Variants in SYT5 observed in about 807,000 individuals in gnomAD.
The protein encoded by SYT5 is synaptotagmin 5.
A neutral mutation model predicts 36.0 loss-of-function variants in SYT5; 29 were observed. That is an observed-to-expected ratio of 0.81 (90% CI 0.60 to 1.10). The LOEUF (loss-of-function observed/expected upper bound fraction) is 1.10. SYT5 is among the 50% of genes least tolerant of loss of function. The probability of loss-of-function intolerance (pLI) is 0.00; values close to 1 mark genes in which losing one functional copy is unlikely to be tolerated. For synonymous variants in SYT5, 231 were observed against 227.6 expected, an observed-to-expected ratio of 1.02 and a Z score of -0.14; for missense variants, 512 against 516.0, an observed-to-expected ratio of 0.99 and a Z score of 0.08.
At chr19:55,178,923 T>C in intron 2 of SYT5, 40 bp downstream of exon 2, 1 of 1,441,684 alleles carries the variant, frequency 6.9e-7, no homozygotes, top group Non-Finnish European at 9.1e-7. Context: ...CTGGCCAGGC[T>C]TTCTCTCTGC....
In SYT5 at chr19:55,179,462, T is replaced by C. The variant is rs1438875138; in HGVS notation, c.-45-376A>G. ...CAAAGCTGGTTGCCCGGGCAACGGG[T>C]TGTTGCCAGGACAACGGGCGGGGCT... On this transcript the variant is annotated intron_variant, in intron 1 of 8. Coordinates refer to ENST00000354308, the MANE Select transcript of SYT5 (RefSeq NM_003180.3). The surrounding 1 kb of genome is among the most constrained non-coding windows in gnomAD (Gnocchi z 4.5). 2 of 370,068 alleles carry C rather than the reference T, an allele frequency of 5.4e-6. No individual in the cohort carries two copies. Among genetic ancestry groups the C allele is most frequent in the Non-Finnish European group, 9.6e-6 (2 of 208,116 alleles). 22.9% of individuals were successfully genotyped at this position (370,068 alleles called of 1,614,324 possible). A position where few individuals can be genotyped will look rare whatever the true frequency, so the allele number is the denominator to read the frequency against.
Position 55,174,778 on chromosome 19 carries a change from G to C in SYT5, c.826+104C>G, listed in dbSNP as rs1009987198. ...AAATCCATGCCTTCCACAGCAGCCAGGTCCTCCCTGTCCCCGAAGAAACCC... is the reference window on the plus strand; with the variant it reads ...AAATCCATGCCTTCCACAGCAGCCACGTCCTCCCTGTCCCCGAAGAAACCC... On this transcript the variant is annotated intron_variant, in intron 7 of 8. Transcript: ENST00000354308. The C allele has an allele frequency of 9.6e-6, 15 of 1,568,988 alleles. No homozygotes were observed. In the African/African-American group the frequency reaches 1.4e-4, roughly 14 times the overall value.
In SYT5 at chr19:55,175,739, GT is replaced by G; in HGVS notation, c.509del (p.Asn170ThrfsTer45). 6.2e-7 allele frequency: 1 copy of G among 1,614,016 alleles called. No homozygotes were observed. The highest frequency in any genetic ancestry group is 8.5e-7 in the Non-Finnish European group (1 of 1,180,018). On this transcript the variant is annotated frameshift_variant, in exon 5 of 9. Transcript: ENST00000354308. LOFTEE classifies it high-confidence loss of function. The surrounding 1 kb of genome is among the most constrained non-coding windows in gnomAD (Gnocchi z 4.5). The stretch of plus-strand genomic sequence containing the variant: ...AGGCGAAGGTCTCCCCAAAGTGAGG[GT>G]TCAGCGTCTGCCGATGCACCTTGGT... ...YETKVHRQTL[N>X]PHFGETFAFK...
chr19:55,176,290 G>C lies in SYT5; in HGVS notation c.253-166C>G, dbSNP rs1330400557. 3 of 889,956 alleles carry C rather than the reference G, an allele frequency of 3.4e-6. No individual in the cohort carries two copies. In the African/African-American group the frequency reaches 5.0e-5, roughly 15 times the overall value. The allele number at this position is 889,956 out of a possible 1,614,324, so 55.1% of individuals were successfully genotyped here. A position where few individuals can be genotyped will look rare whatever the true frequency, so the allele number is the denominator to read the frequency against. On this transcript the variant is annotated intron_variant, in intron 3 of 8. Coordinates refer to ENST00000354308, the MANE Select transcript of SYT5 (RefSeq NM_003180.3). Reference sequence around the variant, plus strand: ...TGCTGTCTGCCACAGGCAGGAAATAGACGTGGTAACACAGATGCAGTATGT... The same window carrying C: ...TGCTGTCTGCCACAGGCAGGAAATACACGTGGTAACACAGATGCAGTATGT...
rs768932757 is a variant in SYT5, at chr19:55,178,975, T to C, written c.67A>G (p.Ser23Gly). Reference sequence around the variant, plus strand: ...GGGTCTTGCTCACCTGGGCCGTGGCTGATGCGACTGGAGTCGGGAGGCGTG... The same window carrying C: ...GGGTCTTGCTCACCTGGGCCGTGGCCGATGCGACTGGAGTCGGGAGGCGTG... ...PDTPPDSSRI[S>G]HGPVPPWALA... The change falls in exon 2 of 9, where the codon AGC becomes GGC. Residue 23 changes from serine to glycine, a missense_variant. Coordinates refer to ENST00000354308, the MANE Select transcript of SYT5 (RefSeq NM_003180.3). The C allele has an allele frequency of 2.5e-6, 4 of 1,569,192 alleles. No individual in the cohort carries two copies. In the African/African-American group the frequency reaches 4.1e-5, roughly 16 times the overall value.
At chr19:55,174,222 T>C (rs2147326672) in intron 8 of SYT5, among the ~76,000 whole-genome samples, 1 of 146,734 alleles carries the variant, frequency 6.8e-6, no homozygotes, top group Non-Finnish European at 1.5e-5. Context: ...AGCATCCTGG[T>C]TCCGCTTGGT....
In SYT5 at chr19:55,179,135, A is replaced by G. The variant is rs992510125; in HGVS notation, c.-45-49T>C. On this transcript the variant is annotated intron_variant, in intron 1 of 8. Transcript: ENST00000354308. The surrounding 1 kb of genome is among the most constrained non-coding windows in gnomAD (Gnocchi z 4.5). ...ACGTCCTTTGAGCCCCACGCACAAC[A>G]AAGAACTCCAACTCCCATGAGGCCT... 1.9e-6 allele frequency: 3 copies of G among 1,540,504 alleles called. No individual in the cohort carries two copies. Among genetic ancestry groups the G allele is most frequent in the African/African-American group, 2.7e-5 (2 of 73,022 alleles).
Position 55,175,183 on chromosome 19 carries a change from G to T in SYT5, c.697C>A (p.Pro233Thr), listed in dbSNP as rs775205527. 1.9e-6 allele frequency: 3 copies of T among 1,601,948 alleles called. No individual in the cohort carries two copies. Among genetic ancestry groups the T allele is most frequent in the South Asian group, 2.2e-5 (2 of 89,968 alleles). ...VQAWRELQAA[P>T]REEQEKLGDI... ...CCGCGCATGCTCACCTCCTCCCGCG[G>T]AGCCGCCTGCAGCTCCCGCCAGGCC... is the stretch of plus-strand genomic sequence containing the variant. Residue 233 changes from proline to threonine, a missense_variant, in exon 6 of 9, where the codon CCG becomes ACG. Transcript: ENST00000354308. The surrounding 1 kb of genome is among the most constrained non-coding windows in gnomAD (Gnocchi z 4.5).
At position 55,173,718 on chromosome 19, in the gene SYT5, G is replaced by C; in HGVS notation, c.961-34C>G. The C allele has an allele frequency of 1.5e-6, 2 of 1,331,640 alleles. No individual in the cohort carries two copies. Among genetic ancestry groups the C allele is most frequent in the Non-Finnish European group, 1.9e-6 (2 of 1,033,594 alleles). The allele number at this position is 1,331,640 out of a possible 1,614,324, so 82.5% of individuals were successfully genotyped here. A position where few individuals can be genotyped will look rare whatever the true frequency, so the allele number is the denominator to read the frequency against. On this transcript the variant is annotated intron_variant, in intron 8 of 8. Coordinates refer to ENST00000354308, the MANE Select transcript of SYT5 (RefSeq NM_003180.3). This position sits in a 1 kb window ranked among gnomAD's most constrained non-coding sequence, Gnocchi z 5.4. ...GGCGCGGGAGGAAGAGGAGAGAGGA[G>C]CGTGAGGGGAGGAGGCCCCGGAAGG...
rs925817034 is a variant in SYT5 at position 55,179,227 on chromosome 19, C to T, written c.-45-141G>A. On this transcript the variant is annotated intron_variant, in intron 1 of 8. Transcript: ENST00000354308. The surrounding 1 kb of genome is among the most constrained non-coding windows in gnomAD (Gnocchi z 4.5). ...TCATGCTGGGAGTTGTAGTATCAGC[C>T]TCCCCGCACTTGAGAGGGGGTGTCC... 32 of 1,502,536 alleles carry T rather than the reference C, an allele frequency of 2.1e-5. No individual in the cohort carries two copies. The highest frequency in any genetic ancestry group is 2.7e-5 in the Non-Finnish European group (30 of 1,129,772). 93.1% of individuals were successfully genotyped at this position (1,502,536 alleles called of 1,614,324 possible).
In SYT5 at chr19:55,173,654, AG is replaced by A; in HGVS notation, c.990del (p.Tyr331ThrfsTer50). 1 of 1,465,628 alleles carries A rather than the reference AG, an allele frequency of 6.8e-7. No homozygotes were observed. Among genetic ancestry groups the A allele is most frequent in the Non-Finnish European group, 9.0e-7 (1 of 1,109,790 alleles). The allele number at this position is 1,465,628 out of a possible 1,614,324, so 90.8% of individuals were successfully genotyped here. ...QKVQVELTVL[D>X]YDKLGKNEAI... ...GCCTCGTTCTTGCCCAGCTTGTCGT[AG>A]TCCAGCACGGTCAGCTCCACCTGCA... On this transcript the variant is annotated frameshift_variant, in exon 9 of 9. Coordinates refer to ENST00000354308, the MANE Select transcript of SYT5 (RefSeq NM_003180.3). LOFTEE classifies it low-confidence loss of function (END_TRUNC). The surrounding 1 kb of genome is among the most constrained non-coding windows in gnomAD (Gnocchi z 5.4).
Position 55,173,367 on chromosome 19 carries a change from G to T in SYT5, c.*117C>A. On this transcript the variant is annotated 3_prime_UTR_variant, in exon 9 of 9. Transcript: ENST00000354308. The surrounding 1 kb of genome is among the most constrained non-coding windows in gnomAD (Gnocchi z 5.4). ...GTTCAGATGGTTGGGGTGGAAGGTGGGGGGAGGGTAACCGTCAGAGGAAGC... is the reference window on the plus strand; with the variant it reads ...GTTCAGATGGTTGGGGTGGAAGGTGTGGGGAGGGTAACCGTCAGAGGAAGC... 1.2e-6 allele frequency: 1 copy of T among 801,958 alleles called. No homozygotes were observed. 49.7% of individuals were successfully genotyped at this position (801,958 alleles called of 1,614,324 possible).
rs201345634 is a variant in SYT5 at position 55,175,221 on chromosome 19, C to A, written c.659G>T (p.Gly220Val). 2 of 1,611,256 alleles carry A rather than the reference C, an allele frequency of 1.2e-6. No individual in the cohort carries two copies. The highest frequency in any genetic ancestry group is 8.5e-7 in the Non-Finnish European group (1 of 1,179,092). The change falls in exon 6 of 9, where the codon GGG becomes GTG. Residue 220 changes from glycine to valine, a missense_variant. Physicochemically the swap from Gly to Val is moderately radical, Grantham distance 109 (BLOSUM62 -3). Coordinates refer to ENST00000354308, the MANE Select transcript of SYT5 (RefSeq NM_003180.3). This position sits in a 1 kb window ranked among gnomAD's most constrained non-coding sequence, Gnocchi z 4.5. Reference protein sequence around the residue: ...VRVPMSSVDLGRPVQAWRELQ... With the variant: ...VRVPMSSVDLVRPVQAWRELQ... ...CTCCCGCCAGGCCTGCACTGGCCGC[C>A]CCAGGTCCACGGAGCTCATAGGGAC... is the stretch of plus-strand genomic sequence containing the variant.
At position 55,179,025 on chromosome 19, in the gene SYT5, G is replaced by C; in HGVS notation, c.17C>G (p.Pro6Arg). The C allele has an allele frequency of 6.2e-7, 1 of 1,605,106 alleles. No individual in the cohort carries two copies. The part of the protein sequence containing the change: MFPEP[P>R]TPGPPSPDTP... ...GTCGGGCGATGGAGGCCCCGGGGTT[G>C]GGGGCTCCGGGAACATGGTGGCGGG... Residue 6 changes from proline to arginine, a missense_variant, in exon 2 of 9, where the codon CCA (proline) becomes CGA (arginine). Pro to Arg is a moderately radical substitution (Grantham distance 103, BLOSUM62 -2). Coordinates refer to ENST00000354308, the MANE Select transcript of SYT5 (RefSeq NM_003180.3). This position sits in a 1 kb window ranked among gnomAD's most constrained non-coding sequence, Gnocchi z 4.5.
At chr19:55,178,719 C>T (rs894355654) in intron 2 of SYT5, among the ~76,000 whole-genome samples, 6 of 148,026 alleles carry the variant, frequency 4.1e-5, no homozygotes, top group South Asian at 4.3e-4. Context: ...ATTCTAAGAT[C>T]CCATTCCATG....
chr19:55,176,510 A>G (rs79213684), intron 3 of SYT5, among the ~76,000 whole-genome samples: 11,604 of 152,282 alleles, frequency 0.076, 981 homozygotes, highest in Admixed American at 0.24. Context: ...ACAGCAAAAC[A>G]TGGAGGAGAA....
At position 55,175,036 on chromosome 19, in the gene SYT5, C is replaced by G; in HGVS notation, c.709-37G>C. 6.2e-7 allele frequency: 1 copy of G among 1,607,606 alleles called. No homozygotes were observed. Among genetic ancestry groups the G allele is most frequent in the South Asian group, 1.1e-5 (1 of 91,036 alleles). On this transcript the variant is annotated intron_variant, in intron 6 of 8. Coordinates refer to ENST00000354308, the MANE Select transcript of SYT5 (RefSeq NM_003180.3). This position sits in a 1 kb window ranked among gnomAD's most constrained non-coding sequence, Gnocchi z 4.5. The stretch of plus-strand genomic sequence containing the variant: ...GGGGCCCATCACCAGAGCCCCGGCT[C>G]CACATCCATGCCTCCTCAGGGGTAC...
rs1400995009 is a variant in SYT5, at chr19:55,175,734, T to G, written c.515A>C (p.His172Pro). 2 of 1,613,832 alleles carry G rather than the reference T, an allele frequency of 1.2e-6. No individual in the cohort carries two copies. The highest frequency in any genetic ancestry group is 1.7e-6 in the Non-Finnish European group (2 of 1,179,978). Residue 172 changes from histidine to proline, a missense_variant, in exon 5 of 9, where the codon CAC becomes CCC. Physicochemically the swap from His to Pro is moderately conservative, Grantham distance 77 (BLOSUM62 -2). Transcript: ENST00000354308. This position sits in a 1 kb window ranked among gnomAD's most constrained non-coding sequence, Gnocchi z 4.5. ...CTTGAAGGCGAAGGTCTCCCCAAAG[T>G]GAGGGTTCAGCGTCTGCCGATGCAC... Reference protein sequence around the residue: ...TKVHRQTLNPHFGETFAFKVP... With the variant: ...TKVHRQTLNPPFGETFAFKVP...
At position 55,178,217 on chromosome 19, in the gene SYT5, C is replaced by T; in HGVS notation, c.231G>A (p.Leu77=). 3 of 1,607,832 alleles carry T rather than the reference C, an allele frequency of 1.9e-6. No homozygotes were observed. The highest frequency in any genetic ancestry group is 2.5e-6 in the Non-Finnish European group (3 of 1,177,470). ...AQVHLQEVKG[L]GQSYIDKVQP... The stretch of plus-strand genomic sequence containing the variant: ...ACACCTTGTCTATGTAACTCTGGCC[C>T]AGCCCCTTCACTTCCTGAAGGTGGA... The change falls in exon 3 of 9, where the codon CTG becomes CTA. Residue 77 remains leucine (L), a synonymous_variant. Transcript: ENST00000354308.
Sources: allele counts gnomAD v4.1 joint callset (sites outside exome capture counted in the v4.1 genomes callset), GRCh38; gene constraint gnomAD v4.1.1; non-coding constraint Gnocchi (gnomAD v3.1); transcripts MANE v1.5; gene names NCBI Gene and HGNC (gene_info 2026-07-23, HGNC 2026-07-21).